NHS: variants seen among roughly 807,000 people sequenced by gnomAD.
The protein encoded by NHS is NHS actin remodeling regulator, also known as actin remodeling regulator NHS.
NHS carries 5 observed loss-of-function variants against 72.5 expected under a neutral mutation model. That is an observed-to-expected ratio of 0.07 (90% CI 0.04 to 0.14). The LOEUF is 0.14. NHS is among the 10% of genes least tolerant of loss of function. The pLI is 1.00. For synonymous variants in NHS, 464 were observed against 547.7 expected (o/e 0.85, Z 2.13); for missense variants, 1,072 against 1,355.7 (o/e 0.79, Z 3.29).
intron 1 of NHS, among the ~76,000 whole-genome samples, chrX:17,500,184 A>G (rs1368699881): frequency 8.9e-6 from 1 of 112,212 alleles, no homozygotes; most frequent in Non-Finnish European, 1.9e-5. Flanking sequence ...GATAACCAGG[A>G]TAAGTGGCAT....
chrX:17,520,576 T>C (rs778473692), intron 1 of NHS, among the ~76,000 whole-genome samples: 1 of 112,084 alleles, frequency 8.9e-6, no homozygotes, highest in South Asian at 3.8e-4. Flanking sequence ...ATTGTCATGT[T>C]AAGAGGGATT....
chrX:17,672,449 A>G (rs766351327), intron 1 of NHS, among the ~76,000 whole-genome samples: 1 of 112,648 alleles, frequency 8.9e-6, no homozygotes, highest in South Asian at 3.7e-4. Flanking sequence ...GGCACACCCA[A>G]CTGCAAGGAA....
At chrX:17,473,076 G>A (rs112211848) in intron 1 of NHS, among the ~76,000 whole-genome samples, 167 of 111,925 alleles carry the variant, frequency 1.5e-3, no homozygotes, top group African/African-American at 4.8e-3. Context: ...CAAGACTGTC[G>A]AGCCAAGTCA....
At chrX:17,436,263 G>A (rs1329114169) in intron 1 of NHS, among the ~76,000 whole-genome samples, 1 of 111,580 alleles carries the variant, frequency 9.0e-6, no homozygotes, top group East Asian at 2.8e-4. Flanking sequence ...CCCAAATATA[G>A]AGGATAGCTT....
intron 3 of NHS, among the ~76,000 whole-genome samples, chrX:17,706,569 A>G (rs1166809017): frequency 9.0e-6 from 1 of 111,253 alleles, no homozygotes; most frequent in Non-Finnish European, 1.9e-5. Context: ...TGGCACTTAC[A>G]CCGCTAGTGC....
chrX:17,451,727 G>A (rs937654417), intron 1 of NHS, among the ~76,000 whole-genome samples: 1 of 112,136 alleles, frequency 8.9e-6, no homozygotes. Context: ...AGATAGTTCT[G>A]CATGCTTTAC....
intron 1 of NHS, among the ~76,000 whole-genome samples, chrX:17,558,034 A>G (rs1269599298): frequency 8.9e-6 from 1 of 112,236 alleles, no homozygotes; most frequent in Non-Finnish European, 1.9e-5. Context: ...ATTGGAAGTC[A>G]GTCACTAGGT....
chrX:17,419,208 A>G (rs1736233391), intron 1 of NHS, among the ~76,000 whole-genome samples: 1 of 112,761 alleles, frequency 8.9e-6, no homozygotes, highest in South Asian at 3.6e-4. Context: ...GCTTACGGGC[A>G]GATCATTTGT....
intron 1 of NHS, among the ~76,000 whole-genome samples, chrX:17,495,441 T>C (rs1346073434): frequency 8.9e-6 from 1 of 112,259 alleles, no homozygotes; most frequent in Non-Finnish European, 1.9e-5. Context: ...ACAGTAATAC[T>C]TGTATAGGTT....
intron 1 of NHS, among the ~76,000 whole-genome samples, chrX:17,471,096 A>G (rs1248943642): frequency 1.8e-5 from 2 of 111,764 alleles, no homozygotes; most frequent in Non-Finnish European, 3.8e-5. Context: ...ATCTCCTTAC[A>G]TTTCTAATAT....
chrX:17,544,565 G>T (rs1401589429), intron 1 of NHS, among the ~76,000 whole-genome samples: 2 of 111,823 alleles, frequency 1.8e-5, no homozygotes, highest in Non-Finnish European at 3.8e-5. Flanking sequence ...AGGCTGGAGT[G>T]CAGTGGCGCG....
chrX:17,578,730 G>T (rs971496434), intron 1 of NHS, among the ~76,000 whole-genome samples: 2 of 112,291 alleles, frequency 1.8e-5, no homozygotes, highest in African/African-American at 6.5e-5. Context: ...CCAGTTCTTA[G>T]ATCTATCTGT....
At chrX:17,630,013 C>A (rs1844646579) in intron 1 of NHS, among the ~76,000 whole-genome samples, 1 of 107,779 alleles carries the variant, frequency 9.3e-6, no homozygotes, top group South Asian at 4.2e-4. Flanking sequence ...AGAGAGGGCA[C>A]AAATCGCCAG....
intron 1 of NHS, among the ~76,000 whole-genome samples, chrX:17,663,978 G>A (rs893353615): frequency 3.5e-4 from 39 of 111,663 alleles, no homozygotes; most frequent in African/African-American, 1.1e-3. Flanking sequence ...CACGTGCTTA[G>A]TAGACATTCA....
chrX:17,665,580 G>A (rs919448065), intron 1 of NHS, among the ~76,000 whole-genome samples: 1 of 110,460 alleles, frequency 9.1e-6, no homozygotes, highest in African/African-American at 3.3e-5. Flanking sequence ...ACCCGCCTCG[G>A]CCTCCCAAAG....
At chrX:17,540,853 G>T (rs1372928158) in intron 1 of NHS, among the ~76,000 whole-genome samples, 1 of 111,783 alleles carries the variant, frequency 8.9e-6, no homozygotes, top group Non-Finnish European at 1.9e-5. Context: ...GCCAAGACGG[G>T]TGGATCACTT....
chrX:17,422,610 T>C (rs1382933204), intron 1 of NHS, among the ~76,000 whole-genome samples: 1 of 111,768 alleles, frequency 8.9e-6, no homozygotes, highest in Non-Finnish European at 1.9e-5. Context: ...ACCAGTGGTA[T>C]CTACTCCTCT....
Position 17,701,998 on chromosome X carries a change from G to A in NHS, c.852+9530G>A, listed in dbSNP as rs370758180. 2.3e-4 allele frequency among the ~76,000 whole-genome samples: 26 copies of A among 111,246 alleles called. No homozygotes were observed. In the East Asian group the frequency reaches 5.9e-3, roughly 25 times the overall value. ...TATAATGAAATTGACTGTACAGGAAGGAAAAACCAGAAATAAATGAGATGG... is the reference window on the plus strand; with the variant it reads ...TATAATGAAATTGACTGTACAGGAAAGAAAAACCAGAAATAAATGAGATGG... On this transcript the variant is annotated intron_variant, in intron 3 of 8. Transcript: ENST00000676302.
At chrX:17,581,734 G>T (rs1352596447) in intron 1 of NHS, among the ~76,000 whole-genome samples, 3 of 111,237 alleles carry the variant, frequency 2.7e-5, no homozygotes, top group African/African-American at 9.8e-5. Context: ...GCTTTCTAGG[G>T]CTGCCTTTCA....
Sources: gnomAD v4.1 joint callset for allele counts (sites outside exome capture counted in the v4.1 genomes callset) on GRCh38, gnomAD v4.1.1 for gene constraint, MANE v1.5 for transcripts, NCBI Gene and HGNC (gene_info 2026-07-23, HGNC 2026-07-21) for gene names.